The following BMPR1B variants were observed in gnomAD, a reference collection of about 807,000 sequenced individuals.
The protein encoded by BMPR1B is bone morphogenetic protein receptor type 1B.
A neutral mutation model predicts 59.1 loss-of-function variants in BMPR1B; 12 were observed. The ratio of observed to expected loss-of-function variants is 0.20; its 90% CI spans 0.13 to 0.33. The LOEUF (loss-of-function observed/expected upper bound fraction) is 0.33. Ranked by LOEUF, BMPR1B falls within the 10% of genes least tolerant of loss-of-function variation. BMPR1B has a pLI of 1.00. For synonymous variants in BMPR1B, 237 were observed against 207.3 expected (o/e 1.14, Z -1.23); for missense variants, 550 against 610.9 (o/e 0.90, Z 1.05).
chr4:95,062,903 G>C lies in BMPR1B; in HGVS notation c.-17-41505G>C, dbSNP rs534052511. Among the ~76,000 whole-genome samples, 3 of 152,164 alleles carry C rather than the reference G, an allele frequency of 2.0e-5. No homozygotes were observed. The South Asian group carries it at 6.2e-4, about 32-fold the overall frequency. ...AACTGTAAATACTGACTTTGGTTTT[G>C]CAAGCCGAATGAGAATGCTTCGTTT... is the stretch of plus-strand genomic sequence containing the variant. On this transcript the variant is annotated intron_variant, in intron 3 of 12. Coordinates refer to ENST00000515059, the MANE Select transcript of BMPR1B (RefSeq NM_001203.3).
intron 3 of BMPR1B, among the ~76,000 whole-genome samples, chr4:95,025,744 A>G (rs1007810543): frequency 6.6e-6 from 1 of 152,164 alleles, no homozygotes; most frequent in Non-Finnish European, 1.5e-5. Flanking sequence ...TATTAGAAAG[A>G]TGAATTTTGA....
intron 2 of BMPR1B, among the ~76,000 whole-genome samples, chr4:94,941,687 T>C (rs1729520141): frequency 6.6e-6 from 1 of 152,140 alleles, no homozygotes; most frequent in Non-Finnish European, 1.5e-5. Context: ...TTGGTAATGA[T>C]TCATTTTTTT....
rs1735276987 is a variant in BMPR1B at position 95,154,587 on chromosome 4, G to A, written c.1423G>A (p.Ala475Thr). 1 of 1,613,942 alleles carries A rather than the reference G, an allele frequency of 6.2e-7. No individual in the cohort carries two copies. Among genetic ancestry groups the A allele is most frequent in the African/African-American group, 1.3e-5 (1 of 74,892 alleles). Reference sequence around the variant, plus strand: ...GGGAAAACTCATGACAGAATGCTGGGCTCACAATCCTGCATCAAGGCTGAC... The same window carrying A: ...GGGAAAACTCATGACAGAATGCTGGACTCACAATCCTGCATCAAGGCTGAC... ...QMGKLMTECW[A>T]HNPASRLTAL... The change falls in exon 13 of 13, where the codon GCT becomes ACT. Residue 475 changes from alanine (A) to threonine (T), a missense_variant. This residue lies in a region of BMPR1B where 123 missense variants were observed against 164.6 expected (regional missense o/e 0.75). Coordinates refer to ENST00000515059, the MANE Select transcript of BMPR1B (RefSeq NM_001203.3).
chr4:95,093,219 T>G (rs1730122579), intron 3 of BMPR1B, among the ~76,000 whole-genome samples: 1 of 152,134 alleles, frequency 6.6e-6, no homozygotes, highest in Admixed American at 6.6e-5. Flanking sequence ...TATTGTTGCT[T>G]TTATTAAAAA....
chr4:95,100,556 C>A (rs2149261061), intron 3 of BMPR1B, among the ~76,000 whole-genome samples: 1 of 151,846 alleles, frequency 6.6e-6, no homozygotes, highest in East Asian at 1.9e-4. Flanking sequence ...TTCACATGGG[C>A]TATATGGGTT....
chr4:94,937,369 T>C (rs1012791118), intron 2 of BMPR1B, among the ~76,000 whole-genome samples: 6 of 152,172 alleles, frequency 3.9e-5, no homozygotes, highest in Non-Finnish European at 8.8e-5. Context: ...GTATACCCCT[T>C]AAAATGTTTG....
chr4:95,100,732 C>G (rs1730759065), intron 3 of BMPR1B, among the ~76,000 whole-genome samples: 1 of 152,074 alleles, frequency 6.6e-6, no homozygotes, highest in African/African-American at 2.4e-5. Flanking sequence ...GTATTTTGTA[C>G]TGTGTTGTAG....
intron 1 of BMPR1B, among the ~76,000 whole-genome samples, chr4:94,785,459 T>C (rs1722728302): frequency 6.6e-6 from 1 of 152,184 alleles, no homozygotes; most frequent in Non-Finnish European, 1.5e-5. Context: ...CTTTCAATGA[T>C]GATAATTTTG....
chr4:95,071,738 T>C (rs1437207901), intron 3 of BMPR1B, among the ~76,000 whole-genome samples: 1 of 149,600 alleles, frequency 6.7e-6, no homozygotes, highest in African/African-American at 2.5e-5. Flanking sequence ...ATGGAAGAAA[T>C]CATGAAAACC....
intron 3 of BMPR1B, among the ~76,000 whole-genome samples, chr4:95,012,671 A>G (rs1382906598): frequency 1.3e-5 from 2 of 152,180 alleles, no homozygotes; most frequent in East Asian, 3.8e-4. Context: ...TACGTATTGC[A>G]TAAACAAACT....
At chr4:95,142,879 G>C (rs961211883) in intron 10 of BMPR1B, among the ~76,000 whole-genome samples, 28 of 151,498 alleles carry the variant, frequency 1.8e-4, no homozygotes, top group African/African-American at 5.8e-4. Flanking sequence ...TAACTAAAAG[G>C]CTTAATTAAC....
intron 3 of BMPR1B, among the ~76,000 whole-genome samples, chr4:95,098,039 C>A (rs552953236): frequency 1.5e-4 from 23 of 151,998 alleles, no homozygotes; most frequent in African/African-American, 5.3e-4. Context: ...CTAAATGTAT[C>A]TTTTATCTCT....
At chr4:94,816,856 G>GT (rs945244330) in intron 1 of BMPR1B, among the ~76,000 whole-genome samples, 3 of 152,082 alleles carry the variant, frequency 2.0e-5, no homozygotes, top group Non-Finnish European at 4.4e-5. Context: ...TTCCTTATAT[G>GT]TCTGTTTGTG....
chr4:94,936,487 TTTG>T (rs372850994), intron 2 of BMPR1B, among the ~76,000 whole-genome samples: 1 of 151,978 alleles, frequency 6.6e-6, no homozygotes, highest in Non-Finnish European at 1.5e-5. Context: ...TGACAGGTTT[TTTG>T]TTGTTGTTGT....
chr4:94,982,850 T>C (rs1721178142), intron 2 of BMPR1B, among the ~76,000 whole-genome samples: 1 of 151,804 alleles, frequency 6.6e-6, no homozygotes, highest in Non-Finnish European at 1.5e-5. Flanking sequence ...CCAGGTGTGA[T>C]GGTGGGCGCC....
chr4:94,843,901 C>G (rs1725205130), intron 1 of BMPR1B, among the ~76,000 whole-genome samples: 2 of 152,042 alleles, frequency 1.3e-5, no homozygotes, highest in Admixed American at 6.6e-5. Flanking sequence ...GATGGATGAC[C>G]TGGGGCTGCA....
chr4:95,131,219 C>A lies in BMPR1B; in HGVS notation c.783C>A (p.Phe261Leu). The A allele has an allele frequency of 2.5e-6, 4 of 1,613,492 alleles. No individual in the cohort carries two copies. The highest frequency in any genetic ancestry group is 3.4e-6 in the Non-Finnish European group (4 of 1,179,654). Residue 261 changes from phenylalanine (F) to leucine (L), a missense_variant, in exon 10 of 13, where the codon TTC becomes TTA. Phe to Leu is a conservative substitution (Grantham distance 22). Around this residue, in one of 6 missense-constraint regions of BMPR1B, gnomAD observed 318 missense variants for 284.6 expected, o/e 1.12. Coordinates refer to ENST00000515059, the MANE Select transcript of BMPR1B (RefSeq NM_001203.3). ...VLMRHENILG[F>L]IAADIKGTGS... is the part of the protein sequence containing the mutation. ...TTTCATCTTTTTTCCTTTTAGGTTTCATTGCTGCAGATATCAAAGGGACAG... is the reference window on the plus strand; with the variant it reads ...TTTCATCTTTTTTCCTTTTAGGTTTAATTGCTGCAGATATCAAAGGGACAG...
Position 95,138,472 on chromosome 4 carries a change from A to G in BMPR1B, c.1076+6960A>G, listed in dbSNP as rs192983219. On this transcript the variant is annotated intron_variant, in intron 10 of 12. Coordinates refer to ENST00000515059, the MANE Select transcript of BMPR1B (RefSeq NM_001203.3). ...TTGGCTTGCCTTGCTAGGTTGGGGA[A>G]GTTCTCCTGGATAATGTCCTGAAGA... 2.7e-3 allele frequency among the ~76,000 whole-genome samples: 416 copies of G among 152,258 alleles called. 3 individuals carry two copies. The highest frequency in any genetic ancestry group is 8.7e-3 in the African/African-American group (362 of 41,542).
chr4:95,073,732 G>A (rs1728492157), intron 3 of BMPR1B, among the ~76,000 whole-genome samples: 1 of 152,132 alleles, frequency 6.6e-6, no homozygotes, highest in Admixed American at 6.6e-5. Flanking sequence ...AATGTTTACA[G>A]TTCCACTTAG....
Sources: allele counts gnomAD v4.1 joint callset (sites outside exome capture counted in the v4.1 genomes callset), GRCh38; gene constraint gnomAD v4.1.1; regional missense constraint gnomAD v4.1.1; transcripts MANE v1.5; gene names NCBI Gene and HGNC (gene_info 2026-07-23, HGNC 2026-07-21).